The following BLNK variants were observed in gnomAD, a reference collection of about 807,000 sequenced individuals.
The protein encoded by BLNK is B-cell linker protein.
BLNK carries 29 observed loss-of-function variants against 73.5 expected under a neutral mutation model. The observed-to-expected ratio is 0.39, with a 90% CI of 0.29 to 0.54. The LOEUF (loss-of-function observed/expected upper bound fraction) is 0.54. Among genes scored for constraint, BLNK ranks in the 20% least tolerant of loss-of-function variants. The probability of loss-of-function intolerance (pLI) is 0.61; values close to 1 mark genes in which losing one functional copy is unlikely to be tolerated. For synonymous variants in BLNK, 176 were observed against 200.8 expected, an observed-to-expected ratio of 0.88 and a Z score of 1.04; for missense variants, 460 against 562.8, an observed-to-expected ratio of 0.82 and a Z score of 1.85.
chr10:96,245,986 A>C (rs1028138635), intron 2 of BLNK, among the ~76,000 whole-genome samples: 3 of 152,096 alleles, frequency 2.0e-5, no homozygotes, highest in African/African-American at 7.2e-5. Flanking sequence ...AATCTGTATT[A>C]GTTTTATTTA....
intron 1 of BLNK, among the ~76,000 whole-genome samples, chr10:96,254,514 TG>T (rs771174164): frequency 0.019 from 2,691 of 142,772 alleles, 88 homozygotes; most frequent in African/African-American, 0.062. Context: ...TTTTTTGTTT[TG>T]TTTTGTTTTT....
intron 16 of BLNK, among the ~76,000 whole-genome samples, chr10:96,194,331 G>GT (rs1286507263): frequency 6.6e-6 from 1 of 152,162 alleles, no homozygotes; most frequent in Non-Finnish European, 1.5e-5. Flanking sequence ...AGATTCAAGA[G>GT]TTTTGCATTT....
intron 6 of BLNK, among the ~76,000 whole-genome samples, chr10:96,221,567 C>T (rs900307011): frequency 6.6e-6 from 1 of 152,180 alleles, no homozygotes; most frequent in South Asian, 2.1e-4. Context: ...TTGCCTGAGC[C>T]ACCTCCACAA....
At chr10:96,217,750 G>A (rs587727704) in intron 6 of BLNK, among the ~76,000 whole-genome samples, 1 of 152,130 alleles carries the variant, frequency 6.6e-6, no homozygotes, top group East Asian at 1.9e-4. Flanking sequence ...CCATTCTGTA[G>A]GTTACTTTTT....
chr10:96,261,299 C>T (rs1413387686), intron 1 of BLNK, among the ~76,000 whole-genome samples: 1 of 152,184 alleles, frequency 6.6e-6, no homozygotes, highest in Non-Finnish European at 1.5e-5. Context: ...TCAAATTGTA[C>T]AACTCAGTGG....
At chr10:96,198,611 A>G (rs1464524230) in intron 15 of BLNK, among the ~76,000 whole-genome samples, 13 of 152,356 alleles carry the variant, frequency 8.5e-5, no homozygotes, top group Admixed American at 8.5e-4. Flanking sequence ...TAGTGGAGCA[A>G]CACTTTTCAA....
chr10:96,212,214 A>T (rs587743698), intron 8 of BLNK, among the ~76,000 whole-genome samples: 36 of 152,304 alleles, frequency 2.4e-4, no homozygotes, highest in Non-Finnish European at 4.1e-4. Context: ...CCTCAGGAAG[A>T]CAGAGTTCTA....
intron 3 of BLNK, among the ~76,000 whole-genome samples, chr10:96,233,034 G>A (rs938571174): frequency 6.6e-5 from 10 of 152,082 alleles, no homozygotes; most frequent in Non-Finnish European, 1.3e-4. Context: ...TTGAACTCCT[G>A]GGTTCAAATG....
At chr10:96,253,792 G>A (rs1281787245) in intron 1 of BLNK, among the ~76,000 whole-genome samples, 1 of 151,938 alleles carries the variant, frequency 6.6e-6, no homozygotes, top group African/African-American at 2.4e-5. Flanking sequence ...AAGGCGGGCC[G>A]ATCATGAGGT....
chr10:96,198,882 A>C (rs993124426), intron 15 of BLNK, among the ~76,000 whole-genome samples: 1 of 152,166 alleles, frequency 6.6e-6, no homozygotes, highest in African/African-American at 2.4e-5. Context: ...TATTTTCAGT[A>C]GAGATGAGGT....
intron 11 of BLNK, 41 bp downstream of exon 11, chr10:96,206,969 CT>C: frequency 6.3e-7 from 1 of 1,589,316 alleles, no homozygotes; most frequent in East Asian, 2.2e-5. Flanking sequence ...AATAAAATAA[CT>C]TTTAGAGGAC....
intron 4 of BLNK, among the ~76,000 whole-genome samples, chr10:96,228,826 A>G (rs587692382): frequency 2.6e-5 from 4 of 151,936 alleles, no homozygotes; most frequent in African/African-American, 9.7e-5. Context: ...CCGCCCTCAC[A>G]CTCTGCCTAT....
intron 16 of BLNK, among the ~76,000 whole-genome samples, chr10:96,195,906 A>G (rs192093292): frequency 1.1e-4 from 16 of 152,346 alleles, no homozygotes; most frequent in African/African-American, 3.6e-4. Context: ...AACCAAATCA[A>G]TTCAGTTGCT....
chr10:96,194,123 T>C (rs2083397952), intron 16 of BLNK, among the ~76,000 whole-genome samples: 1 of 152,278 alleles, frequency 6.6e-6, no homozygotes, highest in East Asian at 1.9e-4. Flanking sequence ...CAGAGTTTCC[T>C]AGCAGGACAA....
chr10:96,202,703 G>A (rs1278219436), intron 13 of BLNK, among the ~76,000 whole-genome samples: 1 of 152,202 alleles, frequency 6.6e-6, no homozygotes, highest in Non-Finnish European at 1.5e-5. Flanking sequence ...TCCCAGGTGA[G>A]AGCAGCAAAG....
At chr10:96,216,543 A>T in intron 7 of BLNK, 110 bp downstream of exon 7, 1 of 930,284 alleles carries the variant, frequency 1.1e-6, no homozygotes, top group Non-Finnish European at 1.7e-6. Context: ...CAGGGGAGAA[A>T]GTCCTGGGCA....
Position 96,238,544 on chromosome 10 carries a change from G to C in BLNK, c.163+4191C>G, listed in dbSNP as rs181605443. On this transcript the variant is annotated intron_variant, in intron 3 of 16. Transcript: ENST00000224337. ...TTCCAAGATCCTAAAGACTCCCCAG[G>C]TTCAGGAGGAGCTCTCAGGGCTGAT... Among the ~76,000 whole-genome samples the C allele has an allele frequency of 1.8e-3, 269 of 152,280 alleles. 2 individuals are homozygous for C. The highest frequency in any genetic ancestry group is 1.5e-3 in the Non-Finnish European group (103 of 68,024).
At position 96,207,874 on chromosome 10, in the gene BLNK, T is replaced by C. The variant is rs1366079922; in HGVS notation, c.772A>G (p.Thr258Ala). The change falls in exon 10 of 17, where the codon ACA becomes GCA. Residue 258 changes from threonine (T) to alanine (A), a missense_variant and splice_region_variant. Thr to Ala is a moderately conservative substitution (Grantham distance 58). Transcript: ENST00000224337. ...AGKKPTTPLK[T>A]TPVASQQNAS... ...TTTTAAATGCAAAATTAACTTACTG[T>C]CTTCAGTGGTGTCGTTGGTTTTTTC... 6.2e-7 allele frequency: 1 copy of C among 1,614,118 alleles called. No homozygotes were observed. The highest frequency in any genetic ancestry group is 1.3e-5 in the African/African-American group (1 of 75,058).
At chr10:96,219,331 T>C (rs2084141545) in intron 6 of BLNK, among the ~76,000 whole-genome samples, 1 of 152,170 alleles carries the variant, frequency 6.6e-6, no homozygotes, top group African/African-American at 2.4e-5. Context: ...GTTCTATGGG[T>C]TCACCTTTTC....
Sources: allele counts gnomAD v4.1 joint callset (sites outside exome capture counted in the v4.1 genomes callset), GRCh38; gene constraint gnomAD v4.1.1; transcripts MANE v1.5; gene names NCBI Gene and HGNC (gene_info 2026-07-23, HGNC 2026-07-21).